The following SOS1 variants were observed in gnomAD, a reference collection of about 807,000 sequenced individuals.
SOS1 encodes son of sevenless homolog 1.
Under a neutral mutation model 157.6 loss-of-function variants are expected in SOS1, and 25 were observed. The ratio of observed to expected loss-of-function variants is 0.16; its 90% CI spans 0.12 to 0.22. The LOEUF is 0.22. Ranked by LOEUF, SOS1 falls within the 10% of genes least tolerant of loss-of-function variation. The pLI is 1.00. For synonymous variants in SOS1, 528 were observed against 534.0 expected (o/e 0.99, Z 0.16); for missense variants, 1,237 against 1,599.1 (o/e 0.77, Z 3.86).
At chr2:39,048,298 T>C (rs1325159815) in intron 6 of SOS1, among the ~76,000 whole-genome samples, 1 of 152,232 alleles carries the variant, frequency 6.6e-6, no homozygotes, top group African/African-American at 2.4e-5. Flanking sequence ...ACTTTAAATA[T>C]ATTACTCAAC....
chr2:38,994,213 T>C (rs1038661056), intron 20 of SOS1, among the ~76,000 whole-genome samples: 2 of 152,240 alleles, frequency 1.3e-5, no homozygotes, highest in African/African-American at 4.8e-5. Context: ...ATTTCTGATA[T>C]ACTGGGTTAA....
upstream of SOS1, chr2:39,121,142 A>AGAC: frequency 6.5e-6 from 1 of 153,080 alleles, no homozygotes; most frequent in African/African-American, 2.4e-5. Flanking sequence ...AGAGAGAGAG[A>AGAC]GACAGGGAGG....
chr2:39,011,127 C>A (rs576604004), intron 14 of SOS1, among the ~76,000 whole-genome samples: 3 of 152,204 alleles, frequency 2.0e-5, no homozygotes, highest in African/African-American at 7.2e-5. Flanking sequence ...GAACTCCTGA[C>A]CTCGGATGAT....
At chr2:39,111,506 AGAG>A (rs1673435087) in intron 1 of SOS1, among the ~76,000 whole-genome samples, 1 of 152,190 alleles carries the variant, frequency 6.6e-6, no homozygotes, top group East Asian at 1.9e-4. Flanking sequence ...ATACTACATC[AGAG>A]GAGGTGAGAA....
intron 17 of SOS1, among the ~76,000 whole-genome samples, chr2:39,000,371 A>G (rs1389571784): frequency 6.6e-6 from 1 of 152,216 alleles, no homozygotes; most frequent in Non-Finnish European, 1.5e-5. Context: ...CATAGCGTAT[A>G]TGTGTGTATG....
At chr2:39,023,987 T>A in intron 9 of SOS1, 23 bp downstream of exon 9, 2 of 1,554,118 alleles carry the variant, frequency 1.3e-6, no homozygotes, top group Non-Finnish European at 8.9e-7. Context: ...AAAAAGGATA[T>A]TTTAAAAAGT....
At chr2:39,036,582 T>C (rs1176545016) in intron 6 of SOS1, among the ~76,000 whole-genome samples, 1 of 152,036 alleles carries the variant, frequency 6.6e-6, no homozygotes, top group Non-Finnish European at 1.5e-5. Flanking sequence ...GTTTTTTGTT[T>C]TTTCTTTTTG....
rs574891809 is a variant in SOS1, at chr2:39,023,750, A to T, written c.1202+260T>A. The T allele has an allele frequency of 4.5e-4, 190 of 424,360 alleles. 2 individuals are homozygous for T. The highest frequency in any genetic ancestry group is 4.3e-3 in the South Asian group (161 of 37,194). The allele number at this position is 424,360 out of a possible 1,614,324, so 26.3% of individuals were successfully genotyped here. On this transcript the variant is annotated intron_variant, in intron 9 of 22. Coordinates refer to ENST00000402219, the MANE Select transcript of SOS1 (RefSeq NM_005633.4). ...ATGCCAACATAAATCTACCCGATAC[A>T]TTTTACTCTGTCTCTCCTTCAGCTT...
intron 17 of SOS1, among the ~76,000 whole-genome samples, chr2:39,002,792 C>G (rs141089114): frequency 3.3e-5 from 5 of 152,062 alleles, no homozygotes; most frequent in African/African-American, 1.2e-4. Context: ...AGGCTGGGTA[C>G]GGTGGCTCAC....
chr2:39,045,231 TGA>T (rs1176994675), intron 6 of SOS1, among the ~76,000 whole-genome samples: 4 of 61,542 alleles, frequency 6.5e-5, no homozygotes, highest in African/African-American at 2.5e-4. Flanking sequence ...TGTGAGGGAA[TGA>T]GAGAGAGAGG....
At chr2:39,034,048 T>C (rs994845442) in intron 8 of SOS1, among the ~76,000 whole-genome samples, 4 of 152,246 alleles carry the variant, frequency 2.6e-5, no homozygotes, top group African/African-American at 9.6e-5. Flanking sequence ...AGATTTTACA[T>C]ACTAAATGCT....
chr2:39,027,397 T>C (rs930975095), intron 8 of SOS1, among the ~76,000 whole-genome samples: 3 of 152,256 alleles, frequency 2.0e-5, no homozygotes, highest in Non-Finnish European at 4.4e-5. Context: ...AAAACTTTCC[T>C]GATGAAATAC....
intron 1 of SOS1, among the ~76,000 whole-genome samples, chr2:39,099,038 C>A (rs1672873116): frequency 6.6e-6 from 1 of 152,102 alleles, no homozygotes. Flanking sequence ...TAGGGTAATA[C>A]AAATGAAAAC....
intron 11 of SOS1, 111 bp downstream of exon 11, chr2:39,014,654 G>C (rs1669574439): frequency 3.6e-6 from 2 of 548,222 alleles, no homozygotes; most frequent in Non-Finnish European, 6.6e-6. Context: ...TATTGAAAAA[G>C]TGCTTGTGAA....
chr2:38,996,506 T>A (rs1668898763), intron 19 of SOS1, among the ~76,000 whole-genome samples: 1 of 152,160 alleles, frequency 6.6e-6, no homozygotes, highest in Non-Finnish European at 1.5e-5. Flanking sequence ...AACTTTATTT[T>A]CCCAAGAAAG....
chr2:39,015,611 G>T (rs1669603499), intron 10 of SOS1, among the ~76,000 whole-genome samples: 1 of 151,642 alleles, frequency 6.6e-6, no homozygotes, highest in African/African-American at 2.4e-5. Flanking sequence ...ACTCCCCTAG[G>T]CCTGACCTAC....
intron 14 of SOS1, among the ~76,000 whole-genome samples, chr2:39,011,642 A>T (rs1314348039): frequency 2.0e-5 from 3 of 152,238 alleles, no homozygotes; most frequent in African/African-American, 7.2e-5. Context: ...TGAGATAATT[A>T]CATCAATGTA....
At chr2:39,091,297 C>G (rs1672586648) in intron 1 of SOS1, among the ~76,000 whole-genome samples, 2 of 152,150 alleles carry the variant, frequency 1.3e-5, no homozygotes, top group South Asian at 2.1e-4. Context: ...GGGTAGTGAG[C>G]ATGTCTTACC....
chr2:39,006,623 G>T (rs1489501523), intron 16 of SOS1, 94 bp from the exon 17 acceptor site: 1 of 747,740 alleles, frequency 1.3e-6, no homozygotes, highest in Non-Finnish European at 2.4e-6. Context: ...AAATACAACA[G>T]TATCAATTTG....
Sources: gnomAD v4.1 joint callset for allele counts (sites outside exome capture counted in the v4.1 genomes callset) on GRCh38, gnomAD v4.1.1 for gene constraint, MANE v1.5 for transcripts, NCBI Gene and HGNC (gene_info 2026-07-23, HGNC 2026-07-21) for gene names.